Variants in SEMA3D observed in about 807,000 individuals in gnomAD.
SEMA3D encodes the protein semaphorin 3D.
In SEMA3D, 84 loss-of-function variants were observed where a neutral mutation model predicts 100.1. The ratio of observed to expected loss-of-function variants is 0.84; its 90% CI spans 0.70 to 1.01. The LOEUF (loss-of-function observed/expected upper bound fraction) is 1.01, where lower values mean the gene tolerates loss of function less well. Among genes scored for constraint, SEMA3D ranks in the 50% least tolerant of loss-of-function variants. The pLI is 0.00. For missense variants in SEMA3D, 875 were observed against 934.1 expected (o/e 0.94, Z 0.82); for synonymous variants, 312 against 320.7 (o/e 0.97, Z 0.29).
At chr7:85,115,500 C>T (rs1449857033) in intron 3 of SEMA3D, among the ~76,000 whole-genome samples, 3 of 152,152 alleles carry the variant, frequency 2.0e-5, no homozygotes, top group Non-Finnish European at 4.4e-5. Context: ...CTGTGATATT[C>T]ACTGTATTAA....
intron 4 of SEMA3D, among the ~76,000 whole-genome samples, chr7:85,083,211 G>C (rs1050673410): frequency 8.5e-5 from 13 of 152,172 alleles, no homozygotes; most frequent in African/African-American, 3.1e-4. Context: ...AATGGGAAAC[G>C]AGGGGAAGGA....
chr7:85,142,246 T>C (rs1027790249), intron 2 of SEMA3D: 1 of 980,828 alleles, frequency 1.0e-6, no homozygotes. Context: ...TCTACCAATA[T>C]AATAAATTTT....
chr7:85,135,933 G>T (rs1335497744), intron 2 of SEMA3D, among the ~76,000 whole-genome samples: 1 of 151,982 alleles, frequency 6.6e-6, no homozygotes, highest in East Asian at 1.9e-4. Context: ...ACATATTTGA[G>T]AACTATCCAT....
Position 85,101,417 on chromosome 7 carries a change from A to T in SEMA3D, c.152-3452T>A, listed in dbSNP as rs187348809. On this transcript the variant is annotated intron_variant, in intron 3 of 18. Transcript: ENST00000284136. The stretch of plus-strand genomic sequence containing the variant: ...TGAAATATTACTTCTCATAATGAGT[A>T]AGAATATGAATTTTAGGTTCAGGCC... 2.1e-3 allele frequency among the ~76,000 whole-genome samples: 314 copies of T among 152,142 alleles called. 1 individual carries two copies. Among genetic ancestry groups the T allele is most frequent in the African/African-American group, 7.2e-3 (300 of 41,552 alleles).
intron 2 of SEMA3D, chr7:85,140,875 G>T (rs1790027870): frequency 3.9e-6 from 3 of 775,770 alleles, no homozygotes; most frequent in African/African-American, 1.9e-5. Context: ...TATACAAAAA[G>T]AAAATCAAAA....
At chr7:85,090,716 G>A (rs1423282343) in intron 4 of SEMA3D, among the ~76,000 whole-genome samples, 4 of 152,054 alleles carry the variant, frequency 2.6e-5, no homozygotes, top group Non-Finnish European at 2.9e-5. Flanking sequence ...ACATCATTCT[G>A]ATTTATAATA....
the SEMA3D span, among the ~76,000 whole-genome samples, chr7:85,222,645 T>C: frequency 6.6e-6 from 1 of 152,124 alleles, no homozygotes; most frequent in African/African-American, 2.4e-5. Context: ...AGCAACCCTC[T>C]GTGTCTGCTT....
At chr7:85,105,574 T>C (rs1679853872) in intron 3 of SEMA3D, among the ~76,000 whole-genome samples, 1 of 152,114 alleles carries the variant, frequency 6.6e-6, no homozygotes, top group African/African-American at 2.4e-5. Flanking sequence ...CTAAAAGCCC[T>C]ACAAAAGACT....
At chr7:85,148,809 A>G (rs772208515) in intron 2 of SEMA3D, among the ~76,000 whole-genome samples, 14 of 151,876 alleles carry the variant, frequency 9.2e-5, no homozygotes, top group Non-Finnish European at 2.1e-4. Context: ...GTGTGTGTGC[A>G]TGTATGTGTG....
intron 7 of SEMA3D, 50 bp from the exon 8 acceptor site, chr7:85,065,602 T>A (rs780037426): frequency 6.7e-7 from 1 of 1,485,648 alleles, no homozygotes; most frequent in South Asian, 1.2e-5. Context: ...CAGCAGTAGA[T>A]GCTATTTAAC....
intron 3 of SEMA3D, among the ~76,000 whole-genome samples, chr7:85,115,258 A>C (rs190020004): frequency 2.0e-5 from 3 of 152,288 alleles, no homozygotes; most frequent in African/African-American, 7.2e-5. Context: ...GAGTTGAACC[A>C]CGAATTAAAT....
At chr7:85,212,881 T>A in the SEMA3D span, among the ~76,000 whole-genome samples, 18 of 152,142 alleles carry the variant, frequency 1.2e-4, no homozygotes, top group Middle Eastern at 3.4e-3. Flanking sequence ...TAAACGAAAC[T>A]TCATGCAATA....
Position 85,070,131 on chromosome 7 carries a change from G to A in SEMA3D, c.496-1847C>T, listed in dbSNP as rs115322861. Among the ~76,000 whole-genome samples, 740 of 152,268 alleles carry A rather than the reference G, an allele frequency of 4.9e-3. 11 individuals carry two copies. The highest frequency in any genetic ancestry group is 0.017 in the African/African-American group (689 of 41,544). On this transcript the variant is annotated intron_variant, in intron 6 of 18. Coordinates refer to ENST00000284136, the MANE Select transcript of SEMA3D (RefSeq NM_001384900.1). ...GCATACAGCCATGGAGTTAGTAAAT[G>A]ACTGGAACCATATTTCAAACTATGG... is the stretch of plus-strand genomic sequence containing the variant.
intron 1 of SEMA3D, among the ~76,000 whole-genome samples, chr7:85,158,035 C>T (rs1790646643): frequency 6.6e-6 from 1 of 152,138 alleles, no homozygotes; most frequent in Non-Finnish European, 1.5e-5. Flanking sequence ...TCTCTTAATC[C>T]TATCATCTTC....
rs140193470 is a variant in SEMA3D, at chr7:85,088,527, G to T, written c.313-6948C>A. 3.3e-3 allele frequency among the ~76,000 whole-genome samples: 497 copies of T among 152,124 alleles called. 1 individual carries two copies. The highest frequency in any genetic ancestry group is 0.014 in the Middle Eastern group (4 of 294). Reference sequence around the variant, plus strand: ...ATACAAGTTTTTAAATGGCTTTAAAGAAAAAAATGTCACTCTGAATGCTAT... The same window carrying T: ...ATACAAGTTTTTAAATGGCTTTAAATAAAAAAATGTCACTCTGAATGCTAT... On this transcript the variant is annotated intron_variant, in intron 4 of 18. Transcript: ENST00000284136.
intron 2 of SEMA3D, among the ~76,000 whole-genome samples, chr7:85,150,643 A>G (rs1405041485): frequency 6.6e-6 from 1 of 151,526 alleles, no homozygotes; most frequent in Non-Finnish European, 1.5e-5. Context: ...CTTACATCTT[A>G]ATGTTCATTT....
chr7:85,034,913 T>C (rs1253104803), intron 12 of SEMA3D, among the ~76,000 whole-genome samples: 1 of 152,060 alleles, frequency 6.6e-6, no homozygotes. Flanking sequence ...AGTGTGGCAG[T>C]TCCTCAAAAA....
intron 3 of SEMA3D, among the ~76,000 whole-genome samples, chr7:85,101,682 A>T (rs1369700992): frequency 6.6e-6 from 1 of 152,040 alleles, no homozygotes; most frequent in African/African-American, 2.4e-5. Context: ...TGTATTTTTA[A>T]AAGTCTATAC....
chr7:85,078,357 G>A (rs561508130), intron 5 of SEMA3D, among the ~76,000 whole-genome samples: 4 of 151,778 alleles, frequency 2.6e-5, no homozygotes, highest in East Asian at 1.9e-4. Flanking sequence ...GGAAGGGAAC[G>A]GAAGGAAGGA....
Sources: gnomAD v4.1 joint callset for allele counts (sites outside exome capture counted in the v4.1 genomes callset) on GRCh38, gnomAD v4.1.1 for gene constraint, MANE v1.5 for transcripts, NCBI Gene and HGNC (gene_info 2026-07-23, HGNC 2026-07-21) for gene names.